Variants in ALDH3A2 observed in about 807,000 individuals in gnomAD.
The protein encoded by ALDH3A2 is aldehyde dehydrogenase family 3 member A2.
A neutral mutation model predicts 51.3 loss-of-function variants in ALDH3A2; 36 were observed. That is an observed-to-expected ratio of 0.70 (90% CI 0.54 to 0.93). ALDH3A2 has a LOEUF of 0.93. Among genes scored for constraint, ALDH3A2 ranks in the 40% least tolerant of loss-of-function variants. The pLI is 0.00. For synonymous variants in ALDH3A2, 199 were observed against 219.8 expected, an observed-to-expected ratio of 0.91 and a Z score of 0.84; for missense variants, 552 against 603.1, an observed-to-expected ratio of 0.92 and a Z score of 0.89.
In ALDH3A2 at chr17:19,652,665, T is replaced by C. The variant is rs377025343; in HGVS notation, c.471+33T>C. The C allele has an allele frequency of 9.8e-5, 146 of 1,493,718 alleles. 2 individuals carry two copies. The highest frequency in any genetic ancestry group is 3.4e-4 in the Middle Eastern group (2 of 5,828). 92.5% of individuals were successfully genotyped at this position (1,493,718 alleles called of 1,614,324 possible). A position where few individuals can be genotyped will look rare whatever the true frequency, so the allele number is the denominator to read the frequency against. ...TTTCTTGACTCATCTCCAACATATG[T>C]GTTTACTGTGGAAAACACACATTTT... On this transcript the variant is annotated intron_variant, in intron 3 of 9. Transcript: ENST00000176643.
intron 6 of ALDH3A2, among the ~76,000 whole-genome samples, chr17:19,662,480 G>A (rs931652225): frequency 6.6e-6 from 1 of 152,174 alleles, no homozygotes; most frequent in Non-Finnish European, 1.5e-5. Flanking sequence ...TCTTTTGGTT[G>A]ACGAGCCAGT....
chr17:19,673,236 C>CA (rs2085142528), intron 9 of ALDH3A2: 1 of 1,614,040 alleles, frequency 6.2e-7, no homozygotes, highest in Non-Finnish European at 8.5e-7. Context: ...CAGAGATGAA[C>CA]ACCAGATTTC....
intron 5 of ALDH3A2, among the ~76,000 whole-genome samples, chr17:19,659,224 T>G (rs1476605009): frequency 6.6e-6 from 1 of 151,598 alleles, no homozygotes; most frequent in East Asian, 2.0e-4. Context: ...GAATGAGATT[T>G]TATCTCAAAA....
chr17:19,655,047 G>A (rs1417902105), intron 3 of ALDH3A2, among the ~76,000 whole-genome samples: 2 of 152,176 alleles, frequency 1.3e-5, no homozygotes, highest in South Asian at 2.1e-4. Context: ...GCCCAACTGC[G>A]GGTAGTTCAT....
chr17:19,664,039 G>A (rs1361398816), intron 7 of ALDH3A2, among the ~76,000 whole-genome samples: 1 of 152,192 alleles, frequency 6.6e-6, no homozygotes, highest in East Asian at 1.9e-4. Context: ...ATGTCACTAG[G>A]TGACCAGCCG....
rs1479430009 is a variant in ALDH3A2 at position 19,648,795 on chromosome 17, G to T, written c.-177G>T. ...CGACTGGCAGTGGGACTCAGCGGGCGTGGAGGTCGCGGCTGAGCGAGCGAG... is the reference window on the plus strand; with the variant it reads ...CGACTGGCAGTGGGACTCAGCGGGCTTGGAGGTCGCGGCTGAGCGAGCGAG... On this transcript the variant is annotated 5_prime_UTR_variant, in exon 1 of 10. Coordinates refer to ENST00000176643, the MANE Select transcript of ALDH3A2 (RefSeq NM_000382.3). 2 of 829,072 alleles carry T rather than the reference G, an allele frequency of 2.4e-6. No individual in the cohort carries two copies. Among genetic ancestry groups the T allele is most frequent in the South Asian group, 3.4e-5 (2 of 59,002 alleles). The allele number at this position is 829,072 out of a possible 1,614,324, so 51.4% of individuals were successfully genotyped here.
rs949647829 is a variant in ALDH3A2, at chr17:19,650,312, C to T, written c.153+1188C>T. ...TTTTTTTTTTAAACGGACAGGGTCT[C>T]CCTTTGTTACCCAGGCTGAAGTGCA... On this transcript the variant is annotated intron_variant, in intron 1 of 9. Transcript: ENST00000176643. Among the ~76,000 whole-genome samples, 6 of 151,722 alleles carry T rather than the reference C, an allele frequency of 4.0e-5. No homozygotes were observed. The East Asian group carries it at 1.2e-3, about 29-fold the overall frequency.
chr17:19,649,241 G>C (rs1043772637), intron 1 of ALDH3A2, 117 bp downstream of exon 1: 1 of 1,371,234 alleles, frequency 7.3e-7, no homozygotes, highest in African/African-American at 1.4e-5. Context: ...AGCACTGGGA[G>C]TATGATCTCC....
rs79102935 is a variant in ALDH3A2 at position 19,652,254 on chromosome 17, C to G, written c.386-293C>G. Among the ~76,000 whole-genome samples, 309 of 152,152 alleles carry G rather than the reference C, an allele frequency of 2.0e-3. 4 individuals are homozygous for G. In the East Asian group the frequency reaches 0.048, roughly 23 times the overall value. ...GAAATGGCTCACTTGCCCAATAATT[C>G]CAGGGCAGAGAGGACAATCTAAGGG... On this transcript the variant is annotated intron_variant, in intron 2 of 9. Transcript: ENST00000176643.
chr17:19,658,098 T>G (rs1246341500), intron 5 of ALDH3A2, among the ~76,000 whole-genome samples: 2 of 152,238 alleles, frequency 1.3e-5, no homozygotes, highest in Non-Finnish European at 2.9e-5. Flanking sequence ...TGTTGATGAT[T>G]AGTTGTGGCA....
At position 19,656,425 on chromosome 17, in the gene ALDH3A2, A is replaced by C; in HGVS notation, c.531A>C (p.Arg177=). Residue 177 remains arginine, a synonymous_variant, in exon 4 of 10, where the codon CGA becomes CGC. Coordinates refer to ENST00000176643, the MANE Select transcript of ALDH3A2 (RefSeq NM_000382.3). ...VEETTELLKQ[R]FDHIFYTGNT... The stretch of plus-strand genomic sequence containing the variant: ...AAACCACGGAGCTCCTGAAGCAGCG[A>C]TTTGACCACATTTTCTATACGGGAA... The C allele has an allele frequency of 1.2e-6, 2 of 1,614,160 alleles. No individual in the cohort carries two copies. Among genetic ancestry groups the C allele is most frequent in the Non-Finnish European group, 1.7e-6 (2 of 1,180,024 alleles).
rs2084858324 is a variant in ALDH3A2 at position 19,654,033 on chromosome 17, A to G, written c.471+1401A>G. On this transcript the variant is annotated intron_variant, in intron 3 of 9. Transcript: ENST00000176643. The surrounding 1 kb of genome is among the most constrained non-coding windows in gnomAD (Gnocchi z 4.5). ...CTGATTGGTGCATTTACAAACCTTG[A>G]GCTAGACATAGAGTGCTGACTGGTG... 6.6e-6 allele frequency among the ~76,000 whole-genome samples: 1 copy of G among 152,190 alleles called. No homozygotes were observed. The highest frequency in any genetic ancestry group is 2.1e-4 in the South Asian group (1 of 4,828).
At chr17:19,661,099 A>G (rs2084959572) in intron 5 of ALDH3A2, 28 bp from the exon 6 acceptor site, 1 of 1,601,930 alleles carries the variant, frequency 6.2e-7, no homozygotes, top group South Asian at 1.1e-5. Flanking sequence ...TCTTTGTGAC[A>G]TTTATATACT....
At chr17:19,652,851 C>T (rs1295911544) in intron 3 of ALDH3A2, among the ~76,000 whole-genome samples, 1 of 131,824 alleles carries the variant, frequency 7.6e-6, no homozygotes, top group Non-Finnish European at 1.6e-5. Flanking sequence ...TATGTAGGCC[C>T]ATGGCTTCAT....
At chr17:19,675,417 A>ACAAT in intron 9 of ALDH3A2, 141 bp from the exon 10 acceptor site, 2 of 852,178 alleles carry the variant, frequency 2.3e-6, no homozygotes, top group African/African-American at 3.3e-5. Flanking sequence ...AGGGATATGT[A>ACAAT]GTCCTTTTTT....
intron 8 of ALDH3A2, 107 bp downstream of exon 8, chr17:19,665,154 G>T (rs1567604327): frequency 2.0e-6 from 2 of 999,344 alleles, no homozygotes; most frequent in East Asian, 2.6e-5. Context: ...TACCCTGATT[G>T]TCCTCTCCTG....
rs2152326471 is a variant in ALDH3A2 at position 19,651,675 on chromosome 17, GGCCTATATTCA to G, written c.286_296del (p.Tyr96ThrfsTer39). 1.2e-6 allele frequency: 2 copies of G among 1,614,180 alleles called. No individual in the cohort carries two copies. The highest frequency in any genetic ancestry group is 2.2e-5 in the South Asian group (2 of 91,078). On this transcript the variant is annotated frameshift_variant, in exon 2 of 10. Coordinates refer to ENST00000176643, the MANE Select transcript of ALDH3A2 (RefSeq NM_000382.3). LOFTEE classifies it high-confidence loss of function. ...AGAACGTGCTCACCATGCTGGATGA[GGCCTATATTCA>G]GCCACAGCCTCTGGGAGTGGTGCTG...
rs777747015 is a variant in ALDH3A2 at position 19,651,784 on chromosome 17, G to C, written c.385+6G>C. On this transcript the variant is annotated splice_donor_region_variant and intron_variant, in intron 2 of 9. Coordinates refer to ENST00000176643, the MANE Select transcript of ALDH3A2 (RefSeq NM_000382.3). ...GATAGGAGCCATCGCTGCAGGTCTG[G>C]TGCCACCTTATGTCTATATACCTTT... 6.2e-7 allele frequency: 1 copy of C among 1,611,914 alleles called. No homozygotes were observed. The highest frequency in any genetic ancestry group is 2.2e-5 in the East Asian group (1 of 44,872).
chr17:19,671,738 G>A lies in ALDH3A2; in HGVS notation c.1225G>A (p.Ala409Thr), dbSNP rs369783486. Residue 409 changes from alanine to threonine, a missense_variant, in exon 9 of 10, where the codon GCT becomes ACT. Ala to Thr is a moderately conservative substitution (Grantham distance 58). Transcript: ENST00000176643. ...FGGVGSSGMG[A>T]YHGKHSFDTF... The stretch of plus-strand genomic sequence containing the variant: ...TATTTCAGGTTCCAGTGGGATGGGA[G>A]CTTATCACGGAAAACATAGTTTTGA... 3 of 1,614,062 alleles carry A rather than the reference G, an allele frequency of 1.9e-6. No homozygotes were observed. Among genetic ancestry groups the A allele is most frequent in the Non-Finnish European group, 2.5e-6 (3 of 1,179,894 alleles).
Sources: gnomAD v4.1 joint callset for allele counts (sites outside exome capture counted in the v4.1 genomes callset) on GRCh38, gnomAD v4.1.1 for gene constraint, Gnocchi (gnomAD v3.1) non-coding constraint, MANE v1.5 for transcripts, NCBI Gene and HGNC (gene_info 2026-07-23, HGNC 2026-07-21) for gene names.